MAML3: variants seen among roughly 807,000 people sequenced by gnomAD.
MAML3 encodes the protein mastermind like transcriptional coactivator 3.
MAML3 carries 27 observed loss-of-function variants against 101.9 expected under a neutral mutation model. That is an observed-to-expected ratio of 0.27 (90% CI 0.20 to 0.37). The LOEUF is 0.37. MAML3 is among the 10% of genes least tolerant of loss of function. The pLI is 1.00. For synonymous variants in MAML3, 501 were observed against 555.9 expected (o/e 0.90, Z 1.39); for missense variants, 1,316 against 1,444.9 (o/e 0.91, Z 1.45).
chr4:140,094,583 C>A (rs1362089387), intron 1 of MAML3, among the ~76,000 whole-genome samples: 4 of 152,182 alleles, frequency 2.6e-5, no homozygotes, highest in Admixed American at 2.0e-4. Context: ...TAAGTCATCA[C>A]CCTGACCCAT....
At chr4:140,045,819 C>T (rs1490718564) in intron 1 of MAML3, among the ~76,000 whole-genome samples, 1 of 152,168 alleles carries the variant, frequency 6.6e-6, no homozygotes, top group African/African-American at 2.4e-5. Flanking sequence ...TTGGTAAGAG[C>T]AGCTGAAGAG....
At chr4:139,767,608 G>A (rs115437391) in intron 2 of MAML3, among the ~76,000 whole-genome samples, 4,239 of 152,240 alleles carry the variant, frequency 0.028, 87 homozygotes, top group Non-Finnish European at 0.045. Context: ...TGGTGATTTT[G>A]GAGTCCCATT....
intron 1 of MAML3, among the ~76,000 whole-genome samples, chr4:140,006,401 C>T (rs1726447849): frequency 6.6e-6 from 1 of 151,984 alleles, no homozygotes; most frequent in Non-Finnish European, 1.5e-5. Flanking sequence ...GCCTAACCAA[C>T]ATGGTGAAAC....
chr4:140,151,693 G>GT (rs941666310), intron 1 of MAML3, among the ~76,000 whole-genome samples: 4 of 148,382 alleles, frequency 2.7e-5, no homozygotes, highest in Non-Finnish European at 6.0e-5. Context: ...CGCGGTGCGG[G>GT]GGGGGGGGGC....
intron 1 of MAML3, among the ~76,000 whole-genome samples, chr4:140,087,057 G>A (rs1015464690): frequency 2.6e-5 from 4 of 152,196 alleles, no homozygotes; most frequent in Non-Finnish European, 5.9e-5. Context: ...ATACTAGGGC[G>A]GCTGAGGCAG....
At chr4:139,989,882 C>CACAGAGAG (rs1385720650) in intron 1 of MAML3, among the ~76,000 whole-genome samples, 59 of 63,126 alleles carry the variant, frequency 9.3e-4, no homozygotes, top group African/African-American at 2.3e-3. Context: ...CACACACACA[C>CACAGAGAG]AGAGAGAGAG....
chr4:139,769,410 T>A lies in MAML3; in HGVS notation c.2080-38743A>T, dbSNP rs912827449. On this transcript the variant is annotated intron_variant, in intron 2 of 4. Transcript: ENST00000509479. The stretch of plus-strand genomic sequence containing the variant: ...CTCTCTTGTCCATTTTGTTCTATAA[T>A]CCACAAGAGAAGACCATCTGCACAG... Among the ~76,000 whole-genome samples the A allele has an allele frequency of 1.5e-4, 23 of 152,258 alleles. 1 individual carries two copies. The highest frequency in any genetic ancestry group is 8.5e-4 in the Admixed American group (13 of 15,306).
At chr4:139,915,864 G>C (rs1733016954) in intron 1 of MAML3, among the ~76,000 whole-genome samples, 1 of 152,124 alleles carries the variant, frequency 6.6e-6, no homozygotes, top group Non-Finnish European at 1.5e-5. Flanking sequence ...CCGGGTCCAA[G>C]CCAGAGTAAC....
intron 1 of MAML3, among the ~76,000 whole-genome samples, chr4:139,938,365 A>G (rs910046036): frequency 6.6e-6 from 1 of 152,190 alleles, no homozygotes; most frequent in South Asian, 2.1e-4. Flanking sequence ...ATCCAGAGTC[A>G]TGAAGTGATT....
chr4:139,983,202 G>A (rs910045411), intron 1 of MAML3, among the ~76,000 whole-genome samples: 1 of 152,060 alleles, frequency 6.6e-6, no homozygotes, highest in African/African-American at 2.4e-5. Flanking sequence ...TTCACCTTTA[G>A]GGCGTTATAC....
intron 1 of MAML3, among the ~76,000 whole-genome samples, chr4:139,962,489 T>G (rs544363887): frequency 5.3e-5 from 8 of 152,344 alleles, no homozygotes; most frequent in Non-Finnish European, 8.8e-5. Context: ...CCCCTTTTTA[T>G]GTGACAGCAC....
chr4:139,834,844 G>C (rs575050992), intron 2 of MAML3, among the ~76,000 whole-genome samples: 2 of 152,308 alleles, frequency 1.3e-5, no homozygotes, highest in East Asian at 3.9e-4. Context: ...CTGGGAGAAG[G>C]GGGAGGGAGG....
intron 1 of MAML3, among the ~76,000 whole-genome samples, chr4:139,931,385 G>A (rs780810775): frequency 1.6e-4 from 24 of 152,256 alleles, no homozygotes; most frequent in Non-Finnish European, 2.4e-4. Context: ...CTTAGGACAC[G>A]ACAGGGTTCC....
chr4:139,917,215 A>T (rs558217977), intron 1 of MAML3, among the ~76,000 whole-genome samples: 6 of 152,338 alleles, frequency 3.9e-5, no homozygotes, highest in African/African-American at 1.4e-4. Context: ...AAAGTCTTGC[A>T]TTTAAGGCAG....
At chr4:139,848,827 C>CAATAG (rs1474590391) in intron 2 of MAML3, among the ~76,000 whole-genome samples, 2 of 152,276 alleles carry the variant, frequency 1.3e-5, no homozygotes, top group Admixed American at 6.5e-5. Flanking sequence ...ATTCAATACA[C>CAATAG]AGGATATAGT....
At chr4:139,932,995 A>T (rs900336730) in intron 1 of MAML3, among the ~76,000 whole-genome samples, 3 of 152,208 alleles carry the variant, frequency 2.0e-5, no homozygotes, top group African/African-American at 7.2e-5. Context: ...ACAGGGAAAC[A>T]TAGTTAGCCG....
chr4:140,095,027 C>A (rs1578681977), intron 1 of MAML3, among the ~76,000 whole-genome samples: 1 of 152,220 alleles, frequency 6.6e-6, no homozygotes, highest in Non-Finnish European at 1.5e-5. Flanking sequence ...CCCCTGACTG[C>A]AGCAGAGGTG....
intron 1 of MAML3, among the ~76,000 whole-genome samples, chr4:139,971,236 T>C (rs1044426897): frequency 6.6e-6 from 1 of 152,220 alleles, no homozygotes; most frequent in Non-Finnish European, 1.5e-5. Context: ...TAAACTGCAC[T>C]GCAACTACAA....
chr4:139,775,733 T>C (rs1348049991), intron 2 of MAML3, among the ~76,000 whole-genome samples: 2 of 152,210 alleles, frequency 1.3e-5, no homozygotes, highest in African/African-American at 4.8e-5. Flanking sequence ...CTTTCCGGTA[T>C]ATCACGTCAA....
Sources: gnomAD v4.1 joint callset for allele counts (sites outside exome capture counted in the v4.1 genomes callset) on GRCh38, gnomAD v4.1.1 for gene constraint, MANE v1.5 for transcripts, NCBI Gene and HGNC (gene_info 2026-07-23, HGNC 2026-07-21) for gene names.